Variants in ATP10B observed in about 807,000 individuals in gnomAD.
The protein encoded by ATP10B is phospholipid-transporting ATPase VB.
Under a neutral mutation model 141.2 loss-of-function variants are expected in ATP10B, and 122 were observed. The observed-to-expected ratio is 0.86, with a 90% CI of 0.75 to 1.00. ATP10B has a LOEUF of 1.00. ATP10B is among the 50% of genes least tolerant of loss of function. ATP10B has a pLI of 0.00. For missense variants in ATP10B, 1,876 were observed against 1,825.3 expected (o/e 1.03, Z -0.51); for synonymous variants, 685 against 692.0 (o/e 0.99, Z 0.16).
the ATP10B span, among the ~76,000 whole-genome samples, chr5:160,898,489 G>A: frequency 1.3e-5 from 2 of 152,286 alleles, no homozygotes; most frequent in East Asian, 1.9e-4. Context: ...AAAAAGTCAG[G>A]AAACAACAGA....
intron 24 of ATP10B, among the ~76,000 whole-genome samples, chr5:160,570,539 C>A (rs1754811094): frequency 6.6e-6 from 1 of 152,184 alleles, no homozygotes; most frequent in Admixed American, 6.5e-5. Context: ...AGTTTTCCAT[C>A]CTCCTGAATT....
intron 2 of ATP10B, among the ~76,000 whole-genome samples, chr5:160,740,866 C>G (rs2127806647): frequency 6.6e-6 from 1 of 152,320 alleles, no homozygotes; most frequent in Middle Eastern, 3.4e-3. Context: ...CCATCCCCAA[C>G]CTATTGTCAA....
chr5:160,827,960 G>T (rs1489978363), intron 1 of ATP10B, among the ~76,000 whole-genome samples: 1 of 152,030 alleles, frequency 6.6e-6, no homozygotes, highest in Non-Finnish European at 1.5e-5. Flanking sequence ...TCTCTGTTTT[G>T]GTACAAGAAC....
At chr5:160,579,183 A>C (rs1402195178) in intron 24 of ATP10B, among the ~76,000 whole-genome samples, 1 of 152,074 alleles carries the variant, frequency 6.6e-6, no homozygotes, top group East Asian at 1.9e-4. Context: ...ATTAGATCCC[A>C]TTTTCAATTT....
At chr5:160,835,682 G>A (rs1001019293) in intron 1 of ATP10B, among the ~76,000 whole-genome samples, 3 of 152,088 alleles carry the variant, frequency 2.0e-5, no homozygotes, top group Admixed American at 2.0e-4. Context: ...CTGTCAAGCA[G>A]CTGTTGCTTA....
intron 1 of ATP10B, among the ~76,000 whole-genome samples, chr5:160,838,002 C>T (rs1461421482): frequency 6.6e-6 from 1 of 152,168 alleles, no homozygotes; most frequent in African/African-American, 2.4e-5. Context: ...CAATCTCTTA[C>T]TCATAAACTT....
intron 7 of ATP10B, among the ~76,000 whole-genome samples, chr5:160,655,855 A>T (rs1761458453): frequency 6.6e-6 from 1 of 152,212 alleles, no homozygotes; most frequent in Non-Finnish European, 1.5e-5. Context: ...GATTAACACA[A>T]ATCAGTGATT....
At chr5:160,705,290 C>T (rs1406072054) in intron 3 of ATP10B, among the ~76,000 whole-genome samples, 2 of 152,110 alleles carry the variant, frequency 1.3e-5, no homozygotes, top group African/African-American at 4.8e-5. Flanking sequence ...GGTACCATCT[C>T]AGCTTATGGT....
At chr5:160,706,754 G>A (rs1483905117) in intron 3 of ATP10B, among the ~76,000 whole-genome samples, 3 of 152,058 alleles carry the variant, frequency 2.0e-5, no homozygotes, top group Non-Finnish European at 2.9e-5. Flanking sequence ...AATTAATATC[G>A]ATACAGGACA....
At chr5:160,846,999 A>G (rs1457779988) in intron 1 of ATP10B, among the ~76,000 whole-genome samples, 4 of 152,222 alleles carry the variant, frequency 2.6e-5, no homozygotes, top group Admixed American at 2.6e-4. Context: ...AGTTAATGTT[A>G]GATGTTCTGG....
At chr5:160,882,370 G>T in the ATP10B span, among the ~76,000 whole-genome samples, 19 of 152,116 alleles carry the variant, frequency 1.2e-4, no homozygotes, top group African/African-American at 4.6e-4. Context: ...GGATATGTAG[G>T]AAGTCTCTGC....
At chr5:160,714,987 T>C (rs1430447991) in intron 3 of ATP10B, among the ~76,000 whole-genome samples, 2 of 91,974 alleles carry the variant, frequency 2.2e-5, no homozygotes, top group Admixed American at 9.8e-5. Context: ...GATCTCCAGC[T>C]GCGTGCTGGG....
intron 1 of ATP10B, among the ~76,000 whole-genome samples, chr5:160,846,353 G>T (rs1776118613): frequency 6.6e-6 from 1 of 152,108 alleles, no homozygotes; most frequent in Non-Finnish European, 1.5e-5. Flanking sequence ...ATTCATAACA[G>T]AACTAGATAT....
At chr5:160,579,934 A>G (rs542506720) in intron 24 of ATP10B, among the ~76,000 whole-genome samples, 30 of 152,238 alleles carry the variant, frequency 2.0e-4, no homozygotes, top group Non-Finnish European at 1.5e-4. Flanking sequence ...GCAATTGTGA[A>G]TGGGAGAGTT....
chr5:160,907,496 A>AC, the ATP10B span, among the ~76,000 whole-genome samples: 1 of 151,890 alleles, frequency 6.6e-6, no homozygotes, highest in African/African-American at 2.4e-5. Flanking sequence ...CTTGAGTGGG[A>AC]CTACAGGTGT....
chr5:160,752,818 T>A (rs1768248361), intron 2 of ATP10B, among the ~76,000 whole-genome samples: 1 of 152,132 alleles, frequency 6.6e-6, no homozygotes, highest in African/African-American at 2.4e-5. Flanking sequence ...GTTTTTAAAG[T>A]GTTAGTCAAA....
intron 24 of ATP10B, among the ~76,000 whole-genome samples, chr5:160,583,255 A>G (rs540344526): frequency 2.6e-5 from 4 of 151,974 alleles, no homozygotes; most frequent in Non-Finnish European, 4.4e-5. Context: ...TGAACTTCAG[A>G]TGGGGTTTCT....
At chr5:160,891,936 A>C in the ATP10B span, among the ~76,000 whole-genome samples, 4 of 152,350 alleles carry the variant, frequency 2.6e-5, no homozygotes, top group East Asian at 5.8e-4. Context: ...GAGGTGAATG[A>C]GAAATATGGG....
chr5:160,619,772 A>C (rs1424296686), intron 15 of ATP10B, among the ~76,000 whole-genome samples: 1 of 152,190 alleles, frequency 6.6e-6, no homozygotes, highest in Non-Finnish European at 1.5e-5. Context: ...CACGTTTATG[A>C]AAATCCATCT....
Sources: gnomAD v4.1 joint callset for allele counts (sites outside exome capture counted in the v4.1 genomes callset) on GRCh38, gnomAD v4.1.1 for gene constraint, MANE v1.5 for transcripts, NCBI Gene and HGNC (gene_info 2026-07-23, HGNC 2026-07-21) for gene names.